Variants in ENO4 observed in about 807,000 individuals in gnomAD.
ENO4 encodes the protein 2-phospho-D-glycerate hydro-lyase.
In ENO4, 53 loss-of-function variants were observed where a neutral mutation model predicts 63.2. The observed-to-expected ratio is 0.84, with a 90% confidence interval of 0.67 to 1.05. The LOEUF (loss-of-function observed/expected upper bound fraction) is 1.05, where lower values mean the gene tolerates loss of function less well. ENO4 is among the 50% of genes least tolerant of loss of function. The pLI is 0.00. For missense variants in ENO4, 719 were observed against 772.0 expected (o/e 0.93, Z 0.81); for synonymous variants, 266 against 283.8 (o/e 0.94, Z 0.63).
intron 10 of ENO4, among the ~76,000 whole-genome samples, chr10:116,888,881 C>T (rs1483414665): frequency 6.6e-6 from 1 of 152,204 alleles, no homozygotes; most frequent in Non-Finnish European, 1.5e-5. Context: ...TGAAAACAAA[C>T]AGGTGAGGAG....
intron 3 of ENO4, among the ~76,000 whole-genome samples, chr10:116,858,733 C>T (rs573654741): frequency 3.0e-3 from 455 of 152,212 alleles, no homozygotes; most frequent in African/African-American, 0.01. Flanking sequence ...AAACCCAGGG[C>T]GCTCAAATAA....
At chr10:116,875,729 A>G (rs1846815113) in intron 10 of ENO4, among the ~76,000 whole-genome samples, 1 of 152,202 alleles carries the variant, frequency 6.6e-6, no homozygotes, top group African/African-American at 2.4e-5. Flanking sequence ...ATATCAGAAA[A>G]ATCCATCCAG....
At chr10:116,857,156 A>G (rs1846287778) in intron 3 of ENO4, among the ~76,000 whole-genome samples, 1 of 152,178 alleles carries the variant, frequency 6.6e-6, no homozygotes, top group Non-Finnish European at 1.5e-5. Context: ...CCTGAAAACC[A>G]TGTAGTTAAC....
chr10:116,904,005 GA>G (rs964100665), intron 10 of ENO4, among the ~76,000 whole-genome samples: 1 of 152,176 alleles, frequency 6.6e-6, no homozygotes, highest in African/African-American at 2.4e-5. Context: ...AAATGCCTAA[GA>G]AAAATCCTAA....
At chr10:116,849,919 C>T in intron 1 of ENO4, 188 bp downstream of exon 1, 1 of 751,876 alleles carries the variant, frequency 1.3e-6, no homozygotes, top group East Asian at 2.7e-5. Context: ...GTGAAGGGAT[C>T]TCCCCAGAGA....
chr10:116,905,357 T>A (rs998188418), intron 10 of ENO4, among the ~76,000 whole-genome samples: 30 of 152,106 alleles, frequency 2.0e-4, no homozygotes, highest in African/African-American at 6.5e-4. Flanking sequence ...AAAACCATCC[T>A]AAGAAAAAAA....
rs371369528 is a variant in ENO4 at position 116,882,308 on chromosome 10, T to C, written c.*639T>C. ...TGGAGTAAGAATGAGTATAAATGAA[T>C]AAGCACATCAGTAAATGAATTAATA... On this transcript the variant is annotated 3_prime_UTR_variant, in exon 14 of 14. Coordinates refer to ENST00000341276, the MANE Select transcript of ENO4 (RefSeq NM_001242699.2). 11 of 150,806 alleles carry C rather than the reference T, an allele frequency of 7.3e-5. No individual in the cohort carries two copies. The highest frequency in any genetic ancestry group is 2.7e-4 in the African/African-American group (11 of 40,982). 9.3% of individuals were successfully genotyped at this position (150,806 alleles called of 1,614,324 possible).
At chr10:116,871,934 C>G (rs539599179) in intron 9 of ENO4, among the ~76,000 whole-genome samples, 2 of 152,180 alleles carry the variant, frequency 1.3e-5, no homozygotes, top group Non-Finnish European at 2.9e-5. Flanking sequence ...CAGTGGCTCA[C>G]GCCTGTAATC....
chr10:116,857,615 G>C (rs905639423), intron 3 of ENO4, among the ~76,000 whole-genome samples: 1 of 151,216 alleles, frequency 6.6e-6, no homozygotes, highest in South Asian at 2.1e-4. Flanking sequence ...TTGCTTCAGA[G>C]TAAGATAATG....
chr10:116,855,958 A>C (rs1846247148), intron 2 of ENO4, among the ~76,000 whole-genome samples: 1 of 152,196 alleles, frequency 6.6e-6, no homozygotes, highest in Non-Finnish European at 1.5e-5. Flanking sequence ...ATGACATGCT[A>C]ACCTGAGGAT....
chr10:116,905,718 C>G (rs1847942237), intron 10 of ENO4, among the ~76,000 whole-genome samples: 1 of 152,144 alleles, frequency 6.6e-6, no homozygotes, highest in African/African-American at 2.4e-5. Context: ...CTACTTGAAG[C>G]TGACTGAACT....
At chr10:116,897,820 A>C (rs1331441031) in intron 10 of ENO4, among the ~76,000 whole-genome samples, 1 of 152,120 alleles carries the variant, frequency 6.6e-6, no homozygotes, top group African/African-American at 2.4e-5. Context: ...AAGTCTTGGA[A>C]ATAACTGGAT....
chr10:116,889,597 A>C (rs1450430641), intron 10 of ENO4, among the ~76,000 whole-genome samples: 1 of 152,200 alleles, frequency 6.6e-6, no homozygotes, highest in Non-Finnish European at 1.5e-5. Flanking sequence ...GAAGAGGGGA[A>C]GGAACTGGCC....
At chr10:116,898,645 G>A (rs1380125853) in intron 10 of ENO4, among the ~76,000 whole-genome samples, 3 of 152,090 alleles carry the variant, frequency 2.0e-5, no homozygotes, top group South Asian at 2.1e-4. Flanking sequence ...ATAATTAACA[G>A]GACACATTTT....
chr10:116,855,221 A>G (rs567152914), intron 1 of ENO4, among the ~76,000 whole-genome samples: 1 of 151,852 alleles, frequency 6.6e-6, no homozygotes, highest in African/African-American at 2.4e-5. Flanking sequence ...TGAACCTGGG[A>G]GGCGGAGAAT....
At chr10:116,872,961 TC>T (rs1389118541) in intron 9 of ENO4, among the ~76,000 whole-genome samples, 2 of 152,140 alleles carry the variant, frequency 1.3e-5, no homozygotes, top group African/African-American at 4.8e-5. Flanking sequence ...AATGATTGGT[TC>T]CTAGGCATAC....
At chr10:116,858,351 C>T (rs1399273905) in intron 3 of ENO4, among the ~76,000 whole-genome samples, 1 of 152,140 alleles carries the variant, frequency 6.6e-6, no homozygotes, top group East Asian at 1.9e-4. Context: ...GTATAGAATT[C>T]TCTGTTGAAA....
At chr10:116,861,899 G>C (rs2133256931) in intron 6 of ENO4, among the ~76,000 whole-genome samples, 1 of 152,200 alleles carries the variant, frequency 6.6e-6, no homozygotes. Flanking sequence ...TTGCCTTACA[G>C]TTTATCAGTT....
chr10:116,869,777 T>G (rs1296185699), intron 8 of ENO4, among the ~76,000 whole-genome samples: 3 of 152,114 alleles, frequency 2.0e-5, no homozygotes, highest in Non-Finnish European at 4.4e-5. Flanking sequence ...TTTTTCTTTT[T>G]CCCATTAGAA....
Sources: allele counts gnomAD v4.1 joint callset (sites outside exome capture counted in the v4.1 genomes callset), GRCh38; gene constraint gnomAD v4.1.1; transcripts MANE v1.5; gene names NCBI Gene and HGNC (gene_info 2026-07-23, HGNC 2026-07-21).